Variants in AFF4 observed in about 807,000 individuals in gnomAD.
The protein encoded by AFF4 is ALF transcription elongation factor 4, also known as AF4/FMR2 family member 4.
AFF4 carries 13 observed loss-of-function variants against 124.8 expected under a neutral mutation model. The observed-to-expected ratio is 0.10, with a 90% confidence interval of 0.07 to 0.17. The LOEUF is 0.17. AFF4 is among the 10% of genes least tolerant of loss of function. The pLI is 1.00. For missense variants in AFF4, 1,092 were observed against 1,403.8 expected (o/e 0.78, Z 3.55); for synonymous variants, 477 against 496.1 (o/e 0.96, Z 0.51).
intron 1 of AFF4, chr5:132,943,242 T>C (rs1180316754): frequency 1.6e-5 from 3 of 184,696 alleles, no homozygotes; most frequent in Non-Finnish European, 3.5e-5. Flanking sequence ...TTAGCCGCCC[T>C]ACAAACAGAA....
At chr5:132,961,933 T>C (rs1169783221) in intron 1 of AFF4, among the ~76,000 whole-genome samples, 9 of 152,198 alleles carry the variant, frequency 5.9e-5, no homozygotes. Flanking sequence ...AATAACTTAC[T>C]GGGAATTTTT....
At chr5:132,930,659 TA>T (rs1269819159) in intron 4 of AFF4, among the ~76,000 whole-genome samples, 2 of 151,038 alleles carry the variant, frequency 1.3e-5, no homozygotes, top group East Asian at 3.9e-4. Flanking sequence ...CAAAAAAAAA[TA>T]AAAAAGAAAA....
At chr5:132,910,701 A>T (rs1182792542) in intron 5 of AFF4, among the ~76,000 whole-genome samples, 2 of 152,174 alleles carry the variant, frequency 1.3e-5, no homozygotes, top group African/African-American at 4.8e-5. Flanking sequence ...CAAAATCTAA[A>T]CACTGTTACT....
chr5:132,883,622 C>T, intron 19 of AFF4, 62 bp from the exon 20 acceptor site: 1 of 1,420,474 alleles, frequency 7.0e-7, no homozygotes, highest in African/African-American at 1.4e-5. Flanking sequence ...AAATCAAGTA[C>T]TACTAGCTCT....
Position 132,918,887 on chromosome 5 carries a change from TG to T in AFF4, c.1050+8233del, listed in dbSNP as rs1287448674. 1.8e-4 allele frequency among the ~76,000 whole-genome samples: 24 copies of T among 134,986 alleles called. No homozygotes were observed. In the East Asian group the frequency reaches 4.7e-3, roughly 27 times the overall value. The allele number at this position is 134,986 out of a possible 152,430, so 88.6% of individuals were successfully genotyped here. On this transcript the variant is annotated intron_variant, in intron 5 of 20. Transcript: ENST00000265343. Reference sequence around the variant, plus strand: ...TGAAATTGACAAGGTGTTGTTTGTTTGTTTTTTTTTTTTTTTGAGACAGAGT... The same window carrying T: ...TGAAATTGACAAGGTGTTGTTTGTTTTTTTTTTTTTTTTTTGAGACAGAGT...
At chr5:132,882,529 G>A (rs1760006713) in intron 20 of AFF4, among the ~76,000 whole-genome samples, 1 of 152,074 alleles carries the variant, frequency 6.6e-6, no homozygotes, top group Non-Finnish European at 1.5e-5. Context: ...AACTTTTAAA[G>A]GGCAAAGCCT....
chr5:132,959,982 C>A (rs962188830), intron 1 of AFF4, among the ~76,000 whole-genome samples: 2 of 151,880 alleles, frequency 1.3e-5, no homozygotes, highest in Non-Finnish European at 2.9e-5. Context: ...GTCTCGATCT[C>A]CTGACCTCGT....
At chr5:132,916,770 G>T (rs1366639517) in intron 5 of AFF4, among the ~76,000 whole-genome samples, 1 of 151,970 alleles carries the variant, frequency 6.6e-6, no homozygotes, top group African/African-American at 2.4e-5. Flanking sequence ...GAACAATACA[G>T]ACCAAGATAG....
chr5:132,959,127 A>ATTTTT (rs70974064), intron 1 of AFF4, among the ~76,000 whole-genome samples: 1 of 143,182 alleles, frequency 7.0e-6, no homozygotes, highest in Non-Finnish European at 1.5e-5. Flanking sequence ...CAGGTTACAG[A>ATTTTT]TTTTTTTTTT....
chr5:132,950,540 T>G (rs1457335813), intron 1 of AFF4, among the ~76,000 whole-genome samples: 1 of 151,432 alleles, frequency 6.6e-6, no homozygotes. Flanking sequence ...TCCTAGCTAC[T>G]CGGGAGGCTG....
intron 13 of AFF4, among the ~76,000 whole-genome samples, chr5:132,890,985 T>C (rs1270997215): frequency 2.0e-5 from 3 of 151,826 alleles, no homozygotes; most frequent in African/African-American, 4.8e-5. Flanking sequence ...AGCTCACTTA[T>C]TTAAAAGCAA....
At position 132,881,178 on chromosome 5, in the gene AFF4, C is replaced by T. The variant is rs1411025144; in HGVS notation, c.3373G>A (p.Ala1125Thr). The change falls in exon 21 of 21, where the codon GCT (alanine) becomes ACT (threonine). Residue 1125 changes from alanine (A) to threonine (T), a missense_variant. Physicochemically the swap from Ala to Thr is moderately conservative, Grantham distance 58. Transcript: ENST00000265343. ...QLSKEQKEFF[A>T]ELDKVMGPLI... is the part of the protein sequence containing the mutation. The stretch of plus-strand genomic sequence containing the variant: ...GGGCCCATTACTTTATCCAGTTCAG[C>T]AAAGAATTCTAGAAAACCAAAAACA... 6.2e-7 allele frequency: 1 copy of T among 1,613,670 alleles called. No individual in the cohort carries two copies. The highest frequency in any genetic ancestry group is 1.1e-5 in the South Asian group (1 of 90,988).
intron 13 of AFF4, among the ~76,000 whole-genome samples, chr5:132,890,308 C>T (rs772272694): frequency 3.9e-5 from 6 of 151,940 alleles, no homozygotes; most frequent in Non-Finnish European, 2.9e-5. Context: ...CTCACTCTGT[C>T]GCCTAGGTTG....
chr5:132,897,339 T>A, intron 10 of AFF4, 99 bp from the exon 11 acceptor site: 2 of 1,265,444 alleles, frequency 1.6e-6, no homozygotes, highest in Non-Finnish European at 2.2e-6. Flanking sequence ...CCACAATGCC[T>A]AATGCAACAA....
At chr5:132,885,264 G>A in intron 18 of AFF4, 145 bp from the exon 19 acceptor site, 2 of 473,702 alleles carry the variant, frequency 4.2e-6, no homozygotes, top group Non-Finnish European at 3.8e-6. Context: ...GTGTGTGTGT[G>A]TGTGTGTGTG....
rs144998841 is a variant in AFF4, at chr5:132,947,274, G to A, written c.-4-10081C>T. 4.7e-3 allele frequency among the ~76,000 whole-genome samples: 714 copies of A among 151,882 alleles called. 4 individuals carry two copies. Among genetic ancestry groups the A allele is most frequent in the Middle Eastern group, 0.021 (6 of 292 alleles). On this transcript the variant is annotated intron_variant, in intron 1 of 20. Coordinates refer to ENST00000265343, the MANE Select transcript of AFF4 (RefSeq NM_014423.4). ...AAAAATTAGCCGGGTGTGGTAACGC[G>A]CACCTGTAGTCCCAGCTACTCGGGA...
At chr5:132,899,464 CA>C in intron 8 of AFF4, 122 bp downstream of exon 8, 1 of 901,348 alleles carries the variant, frequency 1.1e-6, no homozygotes, top group Non-Finnish European at 1.6e-6. Flanking sequence ...TACAACATTT[CA>C]GTGTCAGAAA....
Position 132,937,092 on chromosome 5 carries a change from G to T in AFF4, c.98C>A (p.Pro33His). 6 of 1,613,528 alleles carry T rather than the reference G, an allele frequency of 3.7e-6. No homozygotes were observed. Among genetic ancestry groups the T allele is most frequent in the Non-Finnish European group, 4.2e-6 (5 of 1,179,806 alleles). ...AACTTTGTATGGCTCTGCAAAGAGA[G>T]GAGAGCTAGGTGGGAAGGCGTCTTC... ...QGEDAFPPSS[P>H]LFAEPYKVTS... Residue 33 changes from proline to histidine, a missense_variant, in exon 2 of 21, where the codon CCT (proline) becomes CAT (histidine). Physicochemically the swap from Pro to His is moderately conservative, Grantham distance 77. Transcript: ENST00000265343.
chr5:132,881,558 G>T (rs1050862993), intron 20 of AFF4, among the ~76,000 whole-genome samples: 3 of 152,334 alleles, frequency 2.0e-5, no homozygotes, highest in Admixed American at 2.0e-4. Flanking sequence ...AGAAGCAAGT[G>T]ACACAAAAAG....
Sources: gnomAD v4.1 joint callset for allele counts (sites outside exome capture counted in the v4.1 genomes callset) on GRCh38, gnomAD v4.1.1 for gene constraint, MANE v1.5 for transcripts, NCBI Gene and HGNC (gene_info 2026-07-23, HGNC 2026-07-21) for gene names.